COL5A1: variants seen among roughly 807,000 people sequenced by gnomAD.
COL5A1 encodes collagen type V alpha 1 chain, also known as collagen alpha-1(V) chain.
A neutral mutation model predicts 263.7 loss-of-function variants in COL5A1; 16 were observed. The observed-to-expected ratio is 0.06, with a 90% CI of 0.04 to 0.09. The LOEUF (loss-of-function observed/expected upper bound fraction) is 0.09. COL5A1 is among the 10% of genes least tolerant of loss of function. The pLI is 1.00. For synonymous variants in COL5A1, 1,012 were observed against 1,004.5 expected, an observed-to-expected ratio of 1.01 and a Z score of -0.14; for missense variants, 2,036 against 2,540.5, an observed-to-expected ratio of 0.80 and a Z score of 4.27.
chr9:134,672,370 G>A (rs1000728420), intron 1 of COL5A1, among the ~76,000 whole-genome samples: 1 of 152,082 alleles, frequency 6.6e-6, no homozygotes, highest in African/African-American at 2.4e-5. Context: ...AATGATGTTG[G>A]TTTCTATTAA....
rs746433456 is a variant in COL5A1 at position 134,758,940 on chromosome 9, C to T, written c.1935+644C>T. On this transcript the variant is annotated intron_variant, in intron 18 of 65. Transcript: ENST00000371817. The surrounding 1 kb of genome is among the most constrained non-coding windows in gnomAD (Gnocchi z 4.1). ...CAAGCCCCTCGAATCTTGAATCTGTCTCAATAGACTGTGGTCTTCTTTCAA... is the reference window on the plus strand; with the variant it reads ...CAAGCCCCTCGAATCTTGAATCTGTTTCAATAGACTGTGGTCTTCTTTCAA... Among the ~76,000 whole-genome samples the T allele has an allele frequency of 7.6e-4, 115 of 152,262 alleles. No homozygotes were observed. In the Middle Eastern group the frequency reaches 0.017, roughly 23 times the overall value.
intron 32 of COL5A1, among the ~76,000 whole-genome samples, chr9:134,790,307 C>CAT (rs1837621388): frequency 6.6e-6 from 1 of 151,958 alleles, no homozygotes; most frequent in Non-Finnish European, 1.5e-5. Context: ...TTTACCCATC[C>CAT]ATCCATCCAC....
rs41302966 is a variant in COL5A1, at chr9:134,730,192, C to T, written c.925-44C>T. 0.015 allele frequency: 23,892 copies of T among 1,608,124 alleles called. 239 individuals are homozygous for T. The highest frequency in any genetic ancestry group is 0.016 in the Non-Finnish European group (19,462 of 1,179,774). On this transcript the variant is annotated intron_variant, in intron 6 of 65. Transcript: ENST00000371817. ...CAAGTCCCAGACCTGGCACCACTGC[C>T]GGCCTCCGCCCTGACTCCAGCTGTC...
At chr9:134,806,051 T>C in intron 41 of COL5A1, 138 bp from the exon 42 acceptor site, 1 of 695,796 alleles carries the variant, frequency 1.4e-6, no homozygotes, top group African/African-American at 1.8e-5. Flanking sequence ...AGGTAGTCTG[T>C]GCTTGCAAAG....
chr9:134,799,711 A>G (rs1032705912), intron 37 of COL5A1, among the ~76,000 whole-genome samples: 6 of 152,222 alleles, frequency 3.9e-5, no homozygotes, highest in Non-Finnish European at 1.5e-5. Context: ...GGTGTTCTGC[A>G]CGGCGCATGC....
In COL5A1 at chr9:134,823,371, C is replaced by T. The variant is rs761540225; in HGVS notation, c.4645-45C>T. The T allele has an allele frequency of 3.1e-6, 5 of 1,608,874 alleles. No individual in the cohort carries two copies. The African/African-American group carries it at 4.0e-5, about 13-fold the overall frequency. On this transcript the variant is annotated intron_variant, in intron 60 of 65. Coordinates refer to ENST00000371817, the MANE Select transcript of COL5A1 (RefSeq NM_000093.5). ...GAGCTGAAGGTGGATTCAAAGTCCC[C>T]TCATACCTCTGTGACCAAGGGTTGA... is the stretch of plus-strand genomic sequence containing the variant.
intron 50 of COL5A1, 78 bp downstream of exon 50, chr9:134,814,982 G>A (rs1222013273): frequency 1.0e-5 from 10 of 1,000,266 alleles, no homozygotes; most frequent in South Asian, 1.5e-5. Flanking sequence ...ACTCACTGGC[G>A]GTGCACTCTG....
chr9:134,804,016 A>G (rs575377125), intron 39 of COL5A1, among the ~76,000 whole-genome samples: 2 of 152,314 alleles, frequency 1.3e-5, no homozygotes, highest in East Asian at 3.9e-4. Context: ...TAGCACAAAA[A>G]TAGCCCTTCC....
Position 134,811,406 on chromosome 9 carries a change from G to C in COL5A1, c.3582+14G>C, listed in dbSNP as rs1194974370. ...CCAGGCCCCTCTGTGAGTATCCATG[G>C]TCAATGACCTTCGAAAAGCCCCACG... On this transcript the variant is annotated intron_variant, in intron 45 of 65. Coordinates refer to ENST00000371817, the MANE Select transcript of COL5A1 (RefSeq NM_000093.5). The C allele has an allele frequency of 6.2e-7, 1 of 1,613,586 alleles. No individual in the cohort carries two copies. Among genetic ancestry groups the C allele is most frequent in the Non-Finnish European group, 8.5e-7 (1 of 1,179,908 alleles).
intron 4 of COL5A1, among the ~76,000 whole-genome samples, chr9:134,710,205 C>T (rs1833974971): frequency 6.6e-6 from 1 of 152,202 alleles, no homozygotes; most frequent in Non-Finnish European, 1.5e-5. Flanking sequence ...GCGGCCCGCC[C>T]CGTGCTCACT....
intron 18 of COL5A1, among the ~76,000 whole-genome samples, chr9:134,759,453 A>G (rs1413447281): frequency 9.4e-6 from 1 of 106,430 alleles, no homozygotes; most frequent in Non-Finnish European, 1.7e-5. Flanking sequence ...ACACCCACAC[A>G]CTCATACATG....
At chr9:134,738,571 T>C (rs1372365826) in intron 10 of COL5A1, 56 bp downstream of exon 10, 8 of 1,597,820 alleles carry the variant, frequency 5.0e-6, no homozygotes, top group Admixed American at 3.3e-5. Context: ...TGGGGTGGGG[T>C]TGGTGACACC....
intron 4 of COL5A1, among the ~76,000 whole-genome samples, chr9:134,712,042 C>CCACCTTCTTCCTGGT (rs1554784028): frequency 4.6e-5 from 4 of 86,282 alleles, no homozygotes; most frequent in Non-Finnish European, 8.8e-5. Flanking sequence ...CTTCTTCCTG[C>CCACCTTCTTCCTGGT]CCCCTTCTTC....
intron 1 of COL5A1, among the ~76,000 whole-genome samples, chr9:134,685,620 A>ATCTATTCAT (rs1270948932): frequency 1.5e-3 from 1 of 666 alleles, no homozygotes; most frequent in African/African-American, 5.8e-3. Flanking sequence ...CCATCCATCC[A>ATCTATTCAT]CCATCCATCC....
At chr9:134,760,089 CG>C (rs1836267785) in intron 18 of COL5A1, among the ~76,000 whole-genome samples, 1 of 131,198 alleles carries the variant, frequency 7.6e-6, no homozygotes, top group African/African-American at 2.8e-5. Flanking sequence ...CACGCATACA[CG>C]CCCACACACC....
chr9:134,685,108 A>T (rs1262647022), intron 1 of COL5A1, among the ~76,000 whole-genome samples: 1 of 130,216 alleles, frequency 7.7e-6, no homozygotes, highest in Non-Finnish European at 1.6e-5. Flanking sequence ...TCCACCATCC[A>T]TCCATTCATC....
At position 134,678,400 on chromosome 9, in the gene COL5A1, G is replaced by A. The variant is rs1050233008; in HGVS notation, c.110-12512G>A. ...CCCATGGTGCTCGGGTGCATGGATG[G>A]TGCCCAGGGTCCAGTCCCCCAACAA... On this transcript the variant is annotated intron_variant, in intron 1 of 65. Coordinates refer to ENST00000371817, the MANE Select transcript of COL5A1 (RefSeq NM_000093.5). This position sits in a 1 kb window ranked among gnomAD's most constrained non-coding sequence, Gnocchi z 5.5. Among the ~76,000 whole-genome samples the A allele has an allele frequency of 2.0e-5, 3 of 152,198 alleles. No individual in the cohort carries two copies. The highest frequency in any genetic ancestry group is 2.9e-5 in the Non-Finnish European group (2 of 68,028).
chr9:134,732,499 T>G, intron 9 of COL5A1: 5 of 411,838 alleles, frequency 1.2e-5, no homozygotes, highest in East Asian at 4.9e-5. Flanking sequence ...AAATGGCCCA[T>G]TCCGTGTAAA....
chr9:134,794,442 T>G lies in COL5A1; in HGVS notation c.2701-640T>G, dbSNP rs1455474533. On this transcript the variant is annotated intron_variant, in intron 32 of 65. Transcript: ENST00000371817. This position sits in a 1 kb window ranked among gnomAD's most constrained non-coding sequence, Gnocchi z 4.3. ...CCCGTGGCTTCCGTGTAATGTAGCT[T>G]AACTACATTTTCCAGCTCTGACATC... Among the ~76,000 whole-genome samples the G allele has an allele frequency of 2.6e-5, 4 of 152,268 alleles. No individual in the cohort carries two copies. The highest frequency in any genetic ancestry group is 3.9e-4 in the East Asian group (2 of 5,182).
Sources: allele counts gnomAD v4.1 joint callset (sites outside exome capture counted in the v4.1 genomes callset), GRCh38; gene constraint gnomAD v4.1.1; non-coding constraint Gnocchi (gnomAD v3.1); transcripts MANE v1.5; gene names NCBI Gene and HGNC (gene_info 2026-07-23, HGNC 2026-07-21).